SNAP25: variants seen among roughly 807,000 people sequenced by gnomAD.
The protein encoded by SNAP25 is synaptosome associated protein 25.
SNAP25 carries 3 observed loss-of-function variants against 28.7 expected under a neutral mutation model. That is an observed-to-expected ratio of 0.10 (90% CI 0.05 to 0.27). The LOEUF is 0.27. SNAP25 is among the 10% of genes least tolerant of loss of function. The pLI, the probability that SNAP25 is intolerant of heterozygous loss-of-function variation, is 1.00. For synonymous variants in SNAP25, 61 were observed against 88.1 expected (o/e 0.69, Z 1.72); for missense variants, 117 against 278.7 (o/e 0.42, Z 4.13).
chr20:10,295,223 G>A (rs764763587), intron 5 of SNAP25, among the ~76,000 whole-genome samples: 2 of 152,240 alleles, frequency 1.3e-5, no homozygotes, highest in Non-Finnish European at 2.9e-5. Context: ...GTACGGCAGT[G>A]ATGTGAGTCT....
intron 7 of SNAP25, among the ~76,000 whole-genome samples, chr20:10,301,757 T>C (rs1379372476): frequency 6.6e-6 from 1 of 151,532 alleles, no homozygotes; most frequent in Non-Finnish European, 1.5e-5. Context: ...TTTCAATACA[T>C]CCTCATGGAT....
chr20:10,260,457 C>A (rs1322804742), intron 1 of SNAP25, among the ~76,000 whole-genome samples: 4 of 151,602 alleles, frequency 2.6e-5, no homozygotes, highest in Non-Finnish European at 1.5e-5. Context: ...AACAAACAAA[C>A]AAAAAAAGTG....
chr20:10,294,460 T>C (rs1032645466), intron 5 of SNAP25, among the ~76,000 whole-genome samples: 1 of 152,200 alleles, frequency 6.6e-6, no homozygotes, highest in African/African-American at 2.4e-5. Flanking sequence ...CCTTCCATTT[T>C]TAGCAAAAAA....
chr20:10,249,705 C>G (rs2063191382), intron 1 of SNAP25, among the ~76,000 whole-genome samples: 1 of 152,238 alleles, frequency 6.6e-6, no homozygotes, highest in South Asian at 2.1e-4. Context: ...AACCCCACCA[C>G]AGGCTGACTG....
rs192165537 is a variant in SNAP25 at position 10,267,652 on chromosome 20, G to C, written c.-63-7777G>C. Among the ~76,000 whole-genome samples, 495 of 152,170 alleles carry C rather than the reference G, an allele frequency of 3.3e-3. 2 individuals carry two copies. Among genetic ancestry groups the C allele is most frequent in the Non-Finnish European group, 5.1e-3 (347 of 67,994 alleles). On this transcript the variant is annotated intron_variant, in intron 1 of 7. Transcript: ENST00000254976. ...ACTACAACCTCCGCCTCCCAGGTAC[G>C]AGGTTTCTCCTGCCTCAGCCTCCCG...
intron 1 of SNAP25, among the ~76,000 whole-genome samples, chr20:10,246,401 C>T (rs1319114510): frequency 6.6e-6 from 1 of 152,162 alleles, no homozygotes; most frequent in African/African-American, 2.4e-5. Flanking sequence ...TTACAAGGTT[C>T]TCCTTATCAA....
intron 1 of SNAP25, among the ~76,000 whole-genome samples, chr20:10,269,389 A>G (rs2063555464): frequency 1.3e-5 from 2 of 152,196 alleles, no homozygotes; most frequent in South Asian, 4.1e-4. Context: ...GCGACAGAGC[A>G]AGGCTCCATC....
intron 6 of SNAP25, 148 bp downstream of exon 6, chr20:10,297,198 C>CT: frequency 8.9e-7 from 1 of 1,117,384 alleles, no homozygotes; most frequent in Non-Finnish European, 1.2e-6. Context: ...TTTCCTGGAC[C>CT]TTGCCTGGGT....
chr20:10,287,951 T>C (rs62187164), intron 4 of SNAP25, among the ~76,000 whole-genome samples: 22,627 of 151,592 alleles, frequency 0.15, 1,913 homozygotes, highest in Admixed American at 0.2. Flanking sequence ...TAGATGGGAA[T>C]TGAACAATGA....
rs79010761 is a variant in SNAP25, at chr20:10,303,190, T to C, written c.553-2939T>C. Among the ~76,000 whole-genome samples, 456 of 152,302 alleles carry C rather than the reference T, an allele frequency of 3.0e-3. 2 individuals carry two copies. Among genetic ancestry groups the C allele is most frequent in the African/African-American group, 0.011 (445 of 41,570 alleles). On this transcript the variant is annotated intron_variant, in intron 7 of 7. Transcript: ENST00000254976. ...ACTTTCCTTTGCACTGAAGTGTCAT[T>C]ATTTCTGATACCATTTGTAGCTGGA...
chr20:10,275,453 C>T lies in SNAP25; in HGVS notation c.-39C>T, dbSNP rs1214400415. On this transcript the variant is annotated 5_prime_UTR_variant, in exon 2 of 8. Transcript: ENST00000254976. ...GGTCCAGAGCCAAACCCGTCACTGA[C>T]CCCCCAGCCCAGGCGCCCAGCCACT... The T allele has an allele frequency of 3.9e-6, 6 of 1,557,096 alleles. No individual in the cohort carries two copies. Among genetic ancestry groups the T allele is most frequent in the Admixed American group, 1.9e-5 (1 of 52,770 alleles).
chr20:10,303,420 AATC>A (rs1442373640), intron 7 of SNAP25, among the ~76,000 whole-genome samples: 4 of 152,204 alleles, frequency 2.6e-5, no homozygotes, highest in African/African-American at 9.6e-5. Flanking sequence ...AGTTATGATT[AATC>A]TGGAAATATG....
intron 4 of SNAP25, among the ~76,000 whole-genome samples, chr20:10,292,241 A>G (rs533973677): frequency 5.9e-5 from 9 of 152,352 alleles, no homozygotes; most frequent in South Asian, 2.1e-4. Flanking sequence ...AGGAATTGCA[A>G]TGTTCCAGGA....
intron 4 of SNAP25, among the ~76,000 whole-genome samples, 186 bp downstream of exon 4, chr20:10,284,958 G>A (rs975387330): frequency 1.3e-5 from 2 of 152,198 alleles, no homozygotes; most frequent in African/African-American, 4.8e-5. Flanking sequence ...GTATGGAAAT[G>A]TTGAGGCCTT....
At chr20:10,259,557 G>T (rs929528476) in intron 1 of SNAP25, among the ~76,000 whole-genome samples, 10 of 127,568 alleles carry the variant, frequency 7.8e-5, no homozygotes, top group Non-Finnish European at 1.5e-4. Flanking sequence ...TATTTTTTTT[G>T]AGACAGAGTC....
intron 1 of SNAP25, among the ~76,000 whole-genome samples, chr20:10,236,136 C>T (rs1224539608): frequency 1.3e-5 from 2 of 152,238 alleles, no homozygotes; most frequent in African/African-American, 4.8e-5. Flanking sequence ...CCTGTGGCTA[C>T]ACATCTTCCA....
chr20:10,220,079 T>C (rs866885968), intron 1 of SNAP25, among the ~76,000 whole-genome samples: 19 of 152,178 alleles, frequency 1.2e-4, no homozygotes, highest in Admixed American at 7.2e-4. Flanking sequence ...CTACAGATCT[T>C]GGGTGAGCAT....
At chr20:10,231,446 A>G (rs1204865806) in intron 1 of SNAP25, 2 of 152,334 alleles carry the variant, frequency 1.3e-5, no homozygotes, top group African/African-American at 4.8e-5. Flanking sequence ...TCCTGACTCA[A>G]GCTTCAGCTC....
chr20:10,254,429 TC>T (rs1299884880), intron 1 of SNAP25, among the ~76,000 whole-genome samples: 1 of 151,918 alleles, frequency 6.6e-6, no homozygotes, highest in Non-Finnish European at 1.5e-5. Context: ...CTTCCTGATC[TC>T]CCCCCAGAGC....
Sources: gnomAD v4.1 joint callset for allele counts (sites outside exome capture counted in the v4.1 genomes callset) on GRCh38, gnomAD v4.1.1 for gene constraint, MANE v1.5 for transcripts, NCBI Gene and HGNC (gene_info 2026-07-23, HGNC 2026-07-21) for gene names.